MCF2L2: variants seen among roughly 807,000 people sequenced by gnomAD.
MCF2L2 encodes MCF.2 cell line derived transforming sequence-like 2.
In MCF2L2, 102 loss-of-function variants were observed where a neutral mutation model predicts 150.2. The ratio of observed to expected loss-of-function variants is 0.68; its 90% CI spans 0.58 to 0.80. The LOEUF (loss-of-function observed/expected upper bound fraction) is 0.80, where lower values mean the gene tolerates loss of function less well. Among genes scored for constraint, MCF2L2 ranks in the 30% least tolerant of loss-of-function variants. The pLI, the probability that MCF2L2 is intolerant of heterozygous loss-of-function variation, is 0.00. For missense variants in MCF2L2, 1,256 were observed against 1,372.8 expected (o/e 0.91, Z 1.34); for synonymous variants, 465 against 491.3 (o/e 0.95, Z 0.71).
At chr3:183,371,577 CCT>C (rs1712885245) in intron 3 of MCF2L2, among the ~76,000 whole-genome samples, 3 of 151,646 alleles carry the variant, frequency 2.0e-5, no homozygotes, top group Admixed American at 6.6e-5. Flanking sequence ...AAGCAATTCC[CCT>C]GTCTCAGCCT....
intron 2 of MCF2L2, among the ~76,000 whole-genome samples, chr3:183,385,793 C>T (rs540679956): frequency 1.3e-5 from 2 of 152,320 alleles, no homozygotes; most frequent in East Asian, 3.9e-4. Context: ...TTCTGAGATT[C>T]TCTTGCTGCC....
At chr3:183,380,976 A>T (rs1300446297) in intron 2 of MCF2L2, among the ~76,000 whole-genome samples, 1 of 152,168 alleles carries the variant, frequency 6.6e-6, no homozygotes, top group African/African-American at 2.4e-5. Context: ...ACATAGATAC[A>T]TATTAAGTTG....
chr3:183,375,708 C>G (rs1214957633), intron 3 of MCF2L2: 1 of 152,192 alleles, frequency 6.6e-6, no homozygotes, highest in African/African-American at 2.4e-5. Flanking sequence ...CATTTCCCAA[C>G]CCCAAGTATC....
In MCF2L2 at chr3:183,300,079, C is replaced by T. The variant is rs770097181; in HGVS notation, c.1231G>A (p.Asp411Asn). ...TTTTTCTTGTTTCCATTGATGAAAT[C>T]GTCACAGAGGTGCCTGAGCTCCACA... ...RCVELRHLCDDFINGNKKKWD... is the reference protein window; with the variant it reads ...RCVELRHLCDNFINGNKKKWD... The change falls in exon 11 of 30, where the codon GAT (aspartate) becomes AAT (asparagine). Residue 411 changes from aspartate to asparagine, a missense_variant. By Grantham distance (23) the Asp-to-Asn change is conservative. Transcript: ENST00000328913. 18 of 1,613,426 alleles carry T rather than the reference C, an allele frequency of 1.1e-5. No homozygotes were observed. The highest frequency in any genetic ancestry group is 4.0e-5 in the African/African-American group (3 of 74,854).
intron 15 of MCF2L2, chr3:183,272,540 A>G: frequency 1.0e-6 from 1 of 993,520 alleles, no homozygotes; most frequent in Non-Finnish European, 1.2e-6. Context: ...CTATTTTGAA[A>G]TTTGAGGCTT....
chr3:183,355,726 A>G (rs893121597), intron 3 of MCF2L2, among the ~76,000 whole-genome samples: 1 of 147,382 alleles, frequency 6.8e-6, no homozygotes. Context: ...TCGGCCTCCC[A>G]AAGTGCTGGG....
chr3:183,251,982 C>G (rs1475331186), intron 15 of MCF2L2, among the ~76,000 whole-genome samples: 2 of 148,946 alleles, frequency 1.3e-5, no homozygotes, highest in Non-Finnish European at 3.0e-5. Flanking sequence ...AACCATTTAT[C>G]TATCTGGTGT....
At chr3:183,288,616 G>A (rs994702844) in intron 14 of MCF2L2, among the ~76,000 whole-genome samples, 2 of 151,794 alleles carry the variant, frequency 1.3e-5, no homozygotes, top group Non-Finnish European at 2.9e-5. Flanking sequence ...TGAGTAGCTG[G>A]GATTACAGGC....
rs1726890449 is a variant in MCF2L2 at position 183,272,756 on chromosome 3, T to G, written c.1862+4116A>C. Reference sequence around the variant, plus strand: ...AATTAATTTTTATTAGTTGATTGATTAATGATGTATTGCCTTTTGCCCATA... The same window carrying G: ...AATTAATTTTTATTAGTTGATTGATGAATGATGTATTGCCTTTTGCCCATA... On this transcript the variant is annotated intron_variant, in intron 15 of 29. Transcript: ENST00000328913. The G allele has an allele frequency of 1.3e-5, 14 of 1,075,680 alleles. No homozygotes were observed. In the South Asian group the frequency reaches 5.3e-4, roughly 41 times the overall value. 66.6% of individuals were successfully genotyped at this position (1,075,680 alleles called of 1,614,324 possible).
intron 3 of MCF2L2, 56 bp downstream of exon 3, chr3:183,379,240 TG>T: frequency 7.8e-7 from 1 of 1,283,104 alleles, no homozygotes; most frequent in Non-Finnish European, 1.1e-6. Context: ...CCCTGCCACA[TG>T]GGAAGTGTGG....
chr3:183,353,995 C>T (rs1711617819), intron 3 of MCF2L2, among the ~76,000 whole-genome samples: 1 of 152,064 alleles, frequency 6.6e-6, no homozygotes, highest in South Asian at 2.1e-4. Flanking sequence ...CTGAATGGAC[C>T]CTTCTTCTTG....
intron 10 of MCF2L2, among the ~76,000 whole-genome samples, chr3:183,302,057 A>T (rs1405727899): frequency 1.3e-5 from 2 of 152,108 alleles, no homozygotes; most frequent in African/African-American, 4.8e-5. Context: ...CCACCAATAA[A>T]ACCTCTGGGC....
At chr3:183,385,695 G>A (rs1315033224) in intron 2 of MCF2L2, among the ~76,000 whole-genome samples, 2 of 152,212 alleles carry the variant, frequency 1.3e-5, no homozygotes, top group Admixed American at 6.5e-5. Flanking sequence ...AGGAGCTGTG[G>A]CAAACGTTGA....
At chr3:183,256,204 G>A (rs1473344278) in intron 15 of MCF2L2, among the ~76,000 whole-genome samples, 1 of 152,140 alleles carries the variant, frequency 6.6e-6, no homozygotes, top group Non-Finnish European at 1.5e-5. Context: ...GAATAACCTT[G>A]TAAGGAGAGG....
intron 7 of MCF2L2, among the ~76,000 whole-genome samples, 171 bp from the exon 8 acceptor site, chr3:183,311,943 G>A (rs552526661): frequency 3.4e-4 from 51 of 152,154 alleles, no homozygotes; most frequent in Non-Finnish European, 6.6e-4. Flanking sequence ...GTAACACACC[G>A]ACATGATACA....
chr3:183,193,740 G>A (rs1005996435), intron 26 of MCF2L2, among the ~76,000 whole-genome samples: 1 of 152,106 alleles, frequency 6.6e-6, no homozygotes, highest in African/African-American at 2.4e-5. Flanking sequence ...GACCCAAAAT[G>A]CCAACTATTA....
Position 183,311,676 on chromosome 3 carries a change from G to A in MCF2L2, c.850C>T (p.Gln284Ter), listed in dbSNP as rs1335132280. ...KCPNSKLNLN[Q>*]LENVTTMERL... ...TCCATGGTAGTTACATTCTCAAGTT[G>A]GTTGAGATTGAGTTTGCTGTTGGGA... The change falls in exon 8 of 30, where the codon CAA (glutamine) becomes TAA (stop). Residue 284 changes from glutamine to a stop codon, truncating the protein, a stop_gained. Transcript: ENST00000328913. LOFTEE classifies it high-confidence loss of function. The A allele has an allele frequency of 2.5e-6, 4 of 1,614,018 alleles. No homozygotes were observed. The highest frequency in any genetic ancestry group is 3.4e-6 in the Non-Finnish European group (4 of 1,179,948).
At chr3:183,424,092 A>ATATT (rs1465090099) in intron 1 of MCF2L2, among the ~76,000 whole-genome samples, 1 of 152,218 alleles carries the variant, frequency 6.6e-6, no homozygotes, top group Non-Finnish European at 1.5e-5. Context: ...AAATTTGCAG[A>ATATT]TATTTCAACA....
intron 15 of MCF2L2, among the ~76,000 whole-genome samples, chr3:183,245,792 A>C (rs1253790926): frequency 6.6e-6 from 1 of 152,202 alleles, no homozygotes; most frequent in Non-Finnish European, 1.5e-5. Flanking sequence ...GACATTTAAG[A>C]ATAAAAGATC....
Sources: allele counts gnomAD v4.1 joint callset (sites outside exome capture counted in the v4.1 genomes callset), GRCh38; gene constraint gnomAD v4.1.1; transcripts MANE v1.5; gene names NCBI Gene and HGNC (gene_info 2026-07-23, HGNC 2026-07-21).